Variants in EIF5A observed in about 807,000 individuals in gnomAD.
The protein encoded by EIF5A is eukaryotic translation initiation factor 5A-1.
Under a neutral mutation model 16.6 loss-of-function variants are expected in EIF5A, and 1 was observed. The observed-to-expected ratio is 0.06, with a 90% CI of 0.02 to 0.28. The LOEUF (loss-of-function observed/expected upper bound fraction) is 0.28. Among genes scored for constraint, EIF5A ranks in the 10% least tolerant of loss-of-function variants. EIF5A has a pLI of 1.00. For synonymous variants in EIF5A, 80 were observed against 73.6 expected (o/e 1.09, Z -0.44); for missense variants, 29 against 196.1 (o/e 0.15, Z 5.09).
intron 2 of EIF5A, 73 bp downstream of exon 2, chr17:7,309,873 C>T (rs764326222): frequency 1.9e-6 from 3 of 1,613,804 alleles, no homozygotes; most frequent in South Asian, 2.2e-5. Flanking sequence ...AGCAAGCTGC[C>T]AACAGTGCTG....
chr17:7,307,262 C>T (rs1423535295), upstream of EIF5A: 1 of 1,192,864 alleles, frequency 8.4e-7, no homozygotes, highest in Non-Finnish European at 1.1e-6. Context: ...TTTAGGATTC[C>T]GAACACGCAT....
At chr17:7,307,349 C>G (rs1157113962), upstream of EIF5A, 26 of 1,230,414 alleles carry the variant, frequency 2.1e-5, no homozygotes, top group Non-Finnish European at 2.6e-5. Context: ...AAGGACTGCC[C>G]GGTAGGACGA....
chr17:7,309,182 T>A (rs1352664411), intron 1 of EIF5A, among the ~76,000 whole-genome samples: 32 of 133,524 alleles, frequency 2.4e-4, no homozygotes, highest in East Asian at 1.5e-3. Flanking sequence ...GTCTCCACCC[T>A]CCCCCCCCCC....
At chr17:7,310,644 ACCTT>A (rs1320518698) in intron 2 of EIF5A, 1 of 984,660 alleles carries the variant, frequency 1.0e-6, no homozygotes, top group Non-Finnish European at 1.2e-6. Flanking sequence ...TTTCCCTTCT[ACCTT>A]CCTTATTCCC....
At position 7,311,824 on chromosome 17, in the gene EIF5A, T is replaced by C; in HGVS notation, c.*14T>C. 1.1e-6 allele frequency: 1 copy of C among 889,246 alleles called. No homozygotes were observed. The highest frequency in any genetic ancestry group is 2.7e-5 in the East Asian group (1 of 37,592). 55.1% of individuals were successfully genotyped at this position (889,246 alleles called of 1,614,324 possible). On this transcript the variant is annotated splice_region_variant and 3_prime_UTR_variant, in exon 6 of 6. Transcript: ENST00000336458. ...ACTAATTTCTCTCTCCTACCTAGGGTGGCGGTGGTGGCAGCAGTGATCCTC... is the reference window on the plus strand; with the variant it reads ...ACTAATTTCTCTCTCCTACCTAGGGCGGCGGTGGTGGCAGCAGTGATCCTC...
At chr17:7,308,847 A>G (rs560572491) in intron 1 of EIF5A, among the ~76,000 whole-genome samples, 17 of 151,972 alleles carry the variant, frequency 1.1e-4, no homozygotes, top group African/African-American at 4.1e-4. Flanking sequence ...TTTTATTGTC[A>G]TTCACCACCC....
chr17:7,311,027 G>A lies in EIF5A; in HGVS notation c.175G>A (p.Val59Ile), dbSNP rs371055260. The A allele has an allele frequency of 5.0e-6, 8 of 1,613,246 alleles. No homozygotes were observed. The highest frequency in any genetic ancestry group is 6.8e-6 in the Non-Finnish European group (8 of 1,179,590). ...GKHGHAKVHL[V>I]GIDIFTGKKY... is the part of the protein sequence containing the mutation. ...TGATGCATACATACAGGTCCATCTGGTTGGTATTGACATCTTTACTGGGAA... is the reference window on the plus strand; with the variant it reads ...TGATGCATACATACAGGTCCATCTGATTGGTATTGACATCTTTACTGGGAA... The change falls in exon 3 of 6, where the codon GTT becomes ATT. Residue 59 changes from valine (V) to isoleucine (I), a missense_variant. Coordinates refer to ENST00000336458, the MANE Select transcript of EIF5A (RefSeq NM_001970.5).
chr17:7,310,458 T>G (rs2072786810), intron 2 of EIF5A: 4 of 1,175,650 alleles, frequency 3.4e-6, no homozygotes, highest in Non-Finnish European at 4.3e-6. Flanking sequence ...TCTTGTGGTG[T>G]TTTTCCTTAA....
chr17:7,309,491 TGAC>T lies in EIF5A; in HGVS notation c.-21-123_-21-121del, dbSNP rs2072749864. The T allele has an allele frequency of 3.0e-6, 4 of 1,321,630 alleles. No individual in the cohort carries two copies. In the South Asian group the frequency reaches 5.4e-5, roughly 18 times the overall value. 81.9% of individuals were successfully genotyped at this position (1,321,630 alleles called of 1,614,324 possible). On this transcript the variant is annotated intron_variant, in intron 1 of 5. Coordinates refer to ENST00000336458, the MANE Select transcript of EIF5A (RefSeq NM_001970.5). ...GTCAGTATTTTAAGTTCAGGAACTT[TGAC>T]TTTATTTTAGGTGGGTAATGGAATA...
At chr17:7,309,131 G>A (rs370356146) in intron 1 of EIF5A, among the ~76,000 whole-genome samples, 1 of 150,436 alleles carries the variant, frequency 6.6e-6, no homozygotes. Flanking sequence ...TGTGTGGATG[G>A]GGGGGGGCAG....
rs567565322 is a variant in EIF5A at position 7,312,463 on chromosome 17, A to C, written c.*653A>C. 5.5e-6 allele frequency: 2 copies of C among 360,930 alleles called. No homozygotes were observed. Among genetic ancestry groups the C allele is most frequent in the South Asian group, 3.2e-5 (1 of 31,292 alleles). 22.4% of individuals were successfully genotyped at this position (360,930 alleles called of 1,614,324 possible). On this transcript the variant is annotated 3_prime_UTR_variant, in exon 6 of 6. Transcript: ENST00000336458. ...CTACAAGTTTAATATGAAGCCCCCA[A>C]CTCAGCTGCTTATTTGAATTAAATG...
At chr17:7,308,121 A>AG in intron 1 of EIF5A, 1 of 734,116 alleles carries the variant, frequency 1.4e-6, no homozygotes, top group Non-Finnish European at 1.6e-6. Flanking sequence ...GAGGTGGGGG[A>AG]GGGGGCTATT....
At chr17:7,308,882 CTG>C (rs1202257771) in intron 1 of EIF5A, among the ~76,000 whole-genome samples, 3 of 152,224 alleles carry the variant, frequency 2.0e-5, no homozygotes, top group Non-Finnish European at 2.9e-5. Context: ...TTTCTACTGA[CTG>C]TACTGGCCCG....
intron 1 of EIF5A, chr17:7,308,379 C>T (rs1274880423): frequency 5.0e-6 from 6 of 1,203,878 alleles, no homozygotes; most frequent in Admixed American, 6.5e-5. Flanking sequence ...CGGCAGGAGC[C>T]GGCAGCCCCT....
intron 1 of EIF5A, chr17:7,308,378 C>T (rs2072698510): frequency 1.7e-6 from 2 of 1,195,186 alleles, no homozygotes; most frequent in East Asian, 6.8e-5. Flanking sequence ...TCGGCAGGAG[C>T]CGGCAGCCCC....
chr17:7,311,752 T>C, intron 5 of EIF5A, 70 bp from the exon 6 acceptor site: 1 of 1,453,352 alleles, frequency 6.9e-7, no homozygotes, highest in Non-Finnish European at 9.5e-7. Context: ...GCCCCTAGCC[T>C]GGCTCTGTCC....
chr17:7,307,141 C>G, upstream of EIF5A: 1 of 1,572,388 alleles, frequency 6.4e-7, no homozygotes, highest in Non-Finnish European at 8.6e-7. Context: ...CCAGTTAAAG[C>G]CGAGGTGGGG....
chr17:7,311,068 C>T lies in EIF5A; in HGVS notation c.216C>T (p.Ile72=), dbSNP rs761209495. The stretch of plus-strand genomic sequence containing the variant: ...TTACTGGGAAGAAATATGAAGATAT[C>T]TGCCCGTCAACTCATAATATGGATG... ...DIFTGKKYED[I]CPSTHNMDVP... Residue 72 remains isoleucine, a synonymous_variant, in exon 3 of 6, where the codon ATC becomes ATT. Transcript: ENST00000336458. 1.2e-6 allele frequency: 2 copies of T among 1,613,690 alleles called. No homozygotes were observed. The highest frequency in any genetic ancestry group is 1.7e-6 in the Non-Finnish European group (2 of 1,179,814).
chr17:7,308,416 G>T, intron 1 of EIF5A: 7 of 1,288,532 alleles, frequency 5.4e-6, no homozygotes, highest in Non-Finnish European at 7.1e-6. Flanking sequence ...CCTCGCGGGG[G>T]TTCCGAGGGG....
Sources: gnomAD v4.1 joint callset for allele counts (sites outside exome capture counted in the v4.1 genomes callset) on GRCh38, gnomAD v4.1.1 for gene constraint, MANE v1.5 for transcripts, NCBI Gene and HGNC (gene_info 2026-07-23, HGNC 2026-07-21) for gene names.